The following NAV3 variants were observed in gnomAD, a reference collection of about 807,000 sequenced individuals.
The protein encoded by NAV3 is neuron navigator 3.
In NAV3, 87 loss-of-function variants were observed where a neutral mutation model predicts 244.7. The ratio of observed to expected loss-of-function variants is 0.36; its 90% CI spans 0.30 to 0.42. The LOEUF (loss-of-function observed/expected upper bound fraction) is 0.42. NAV3 is among the 20% of genes least tolerant of loss of function. The probability of loss-of-function intolerance (pLI) is 1.00; values close to 1 mark genes in which losing one functional copy is unlikely to be tolerated. For synonymous variants in NAV3, 1,126 were observed against 1,042.2 expected, an observed-to-expected ratio of 1.08 and a Z score of -1.55; for missense variants, 2,663 against 2,893.3, an observed-to-expected ratio of 0.92 and a Z score of 1.83.
intron 16 of NAV3, among the ~76,000 whole-genome samples, chr12:78,124,745 C>A (rs1274999118): frequency 6.6e-6 from 1 of 152,052 alleles, no homozygotes; most frequent in Non-Finnish European, 1.5e-5. Flanking sequence ...TGAGCCGTGG[C>A]ACCAGCCTGA....
At chr12:77,856,399 C>T (rs1049588206) in intron 1 of NAV3, among the ~76,000 whole-genome samples, 1 of 151,922 alleles carries the variant, frequency 6.6e-6, no homozygotes, top group African/African-American at 2.4e-5. Context: ...CTGTTGGGCC[C>T]CAAGGAGTGT....
intron 2 of NAV3, among the ~76,000 whole-genome samples, chr12:77,678,394 T>C (rs1350228599): frequency 6.6e-6 from 1 of 152,208 alleles, no homozygotes; most frequent in Non-Finnish European, 1.5e-5. Flanking sequence ...TGGAAATTAT[T>C]GTTTCTATGG....
At chr12:77,771,490 A>T (rs1361905012) in intron 2 of NAV3, among the ~76,000 whole-genome samples, 1 of 152,080 alleles carries the variant, frequency 6.6e-6, no homozygotes, top group Non-Finnish European at 1.5e-5. Context: ...CACTATTCAC[A>T]ATAGCAAAGA....
chr12:77,951,378 T>C (rs191366279), intron 3 of NAV3, among the ~76,000 whole-genome samples: 2 of 152,284 alleles, frequency 1.3e-5, no homozygotes, highest in Admixed American at 6.5e-5. Flanking sequence ...AGATACCATC[T>C]CACACCAGTT....
chr12:77,745,373 G>T lies in NAV3; in HGVS notation c.72+173107G>T, dbSNP rs74106529. ...CAGTTTGGTGACTGAAAGAGACAAT[G>T]ATGAAGGAGCAAAGACCAATTGATA... On this transcript the variant is annotated intron_variant, in intron 2 of 8. Coordinates refer to the NAV3 transcript ENST00000550042. 1.2e-3 allele frequency among the ~76,000 whole-genome samples: 176 copies of T among 152,182 alleles called. 1 individual carries two copies. The highest frequency in any genetic ancestry group is 3.7e-3 in the African/African-American group (155 of 41,554).
chr12:77,893,738 C>G (rs921835924), intron 1 of NAV3, among the ~76,000 whole-genome samples: 1 of 152,158 alleles, frequency 6.6e-6, no homozygotes, highest in Non-Finnish European at 1.5e-5. Flanking sequence ...GGCTTTGGAA[C>G]AGTGACTACA....
intron 39 of NAV3, among the ~76,000 whole-genome samples, chr12:78,205,502 G>C (rs999632830): frequency 4.6e-5 from 7 of 151,884 alleles, no homozygotes; most frequent in Admixed American, 4.6e-4. Context: ...AAAAGTTATG[G>C]TATAATGTAC....
chr12:77,635,959 C>T (rs1203507105), intron 2 of NAV3, among the ~76,000 whole-genome samples: 1 of 152,140 alleles, frequency 6.6e-6, no homozygotes, highest in Non-Finnish European at 1.5e-5. Flanking sequence ...AAAAAAGTAG[C>T]AGAATTAATT....
chr12:77,660,217 T>C (rs1527786), intron 2 of NAV3, among the ~76,000 whole-genome samples: 4,597 of 152,292 alleles, frequency 0.03, 80 homozygotes, highest in Middle Eastern at 0.044. Flanking sequence ...AAAGTTTAAC[T>C]GAAGTTCTTT....
In NAV3 at chr12:77,985,770, A is replaced by G. The variant is rs548960174; in HGVS notation, c.672-9033A>G. On this transcript the variant is annotated intron_variant, in intron 5 of 39. Transcript: ENST00000397909. ...GTGTCCACTATTTTAACTTATTTTA[A>G]TCATTTACTTCTATTTCCTGTGCCT... Among the ~76,000 whole-genome samples the G allele has an allele frequency of 2.1e-4, 32 of 152,010 alleles. No homozygotes were observed. In the East Asian group the frequency reaches 5.6e-3, roughly 27 times the overall value.
In NAV3 at chr12:78,137,214, G is replaced by T. The variant is rs755007007; in HGVS notation, c.4479G>T (p.Gly1493=). ...PTNLSQFNLP[G]PSMMRSNSIP... is the part of the protein sequence containing the mutation. The stretch of plus-strand genomic sequence containing the variant: ...ATTTGTCTCAGTTTAACCTTCCCGG[G>T]CCCAGCATGATGCGCTCAAACAGCA... The change falls in exon 19 of 40, where the codon GGG becomes GGT. Residue 1493 remains glycine (G), a synonymous_variant. Transcript: ENST00000397909. 1 of 1,612,776 alleles carries T rather than the reference G, an allele frequency of 6.2e-7. No homozygotes were observed. The highest frequency in any genetic ancestry group is 8.5e-7 in the Non-Finnish European group (1 of 1,179,300).
chr12:78,148,031 A>T (rs1377636092), intron 21 of NAV3, among the ~76,000 whole-genome samples: 1 of 152,102 alleles, frequency 6.6e-6, no homozygotes, highest in East Asian at 1.9e-4. Flanking sequence ...AAAACTTTAA[A>T]CATGATATAA....
rs577856110 is a variant in NAV3, at chr12:77,599,042, G to A, written c.72+26776G>A. On this transcript the variant is annotated intron_variant, in intron 2 of 8. Transcript: ENST00000550042. The stretch of plus-strand genomic sequence containing the variant: ...CCCCATATCCCACCTACCCTACTAA[G>A]CCCCTGGCAACCAACATTCTACTCT... Among the ~76,000 whole-genome samples the A allele has an allele frequency of 2.2e-4, 34 of 151,808 alleles. No individual in the cohort carries two copies. The East Asian group carries it at 5.2e-3, about 23-fold the overall frequency.
At chr12:77,810,651 T>C (rs550249171) in intron 2 of NAV3, among the ~76,000 whole-genome samples, 1 of 152,200 alleles carries the variant, frequency 6.6e-6, no homozygotes, top group Non-Finnish European at 1.5e-5. Flanking sequence ...GGATTAGGTA[T>C]TAGGTAGTTT....
At chr12:78,135,558 G>T (rs1956337129) in intron 18 of NAV3, among the ~76,000 whole-genome samples, 2 of 152,124 alleles carry the variant, frequency 1.3e-5, no homozygotes, top group Admixed American at 1.3e-4. Flanking sequence ...TAACCCTATA[G>T]ATACGTATAC....
chr12:78,127,304 C>T, intron 17 of NAV3, 96 bp downstream of exon 17: 1 of 1,235,754 alleles, frequency 8.1e-7, no homozygotes, highest in Middle Eastern at 1.9e-4. Context: ...CAATGTAGCA[C>T]ATGACATTGA....
chr12:77,872,477 C>A (rs781020644), intron 1 of NAV3, among the ~76,000 whole-genome samples: 2 of 152,046 alleles, frequency 1.3e-5, no homozygotes, highest in Non-Finnish European at 2.9e-5. Flanking sequence ...TAAAAGTGAA[C>A]CTTGAAGGGT....
chr12:78,054,554 G>A (rs1194782566), intron 11 of NAV3, among the ~76,000 whole-genome samples: 1 of 152,136 alleles, frequency 6.6e-6, no homozygotes, highest in Admixed American at 6.6e-5. Flanking sequence ...GGAGAAACTC[G>A]GGGGTTCAAT....
intron 2 of NAV3, among the ~76,000 whole-genome samples, chr12:77,806,155 C>A (rs549516579): frequency 3.7e-4 from 57 of 152,090 alleles, no homozygotes; most frequent in Non-Finnish European, 7.1e-4. Flanking sequence ...GTTTTTGTGT[C>A]TCTATCTCCT....
Sources: allele counts gnomAD v4.1 joint callset (sites outside exome capture counted in the v4.1 genomes callset), GRCh38; gene constraint gnomAD v4.1.1; transcripts MANE v1.5; gene names NCBI Gene and HGNC (gene_info 2026-07-23, HGNC 2026-07-21).